The following ZNF680 variants were observed in gnomAD, a reference collection of about 807,000 sequenced individuals.
ZNF680 encodes the protein zinc finger protein 680, also known as hypothetical protein FLJ90430.
A neutral mutation model predicts 12.1 loss-of-function variants in ZNF680; 6 were observed. The ratio of observed to expected loss-of-function variants is 0.49; its 90% CI spans 0.27 to 0.98. The LOEUF is 0.98. Among genes scored for constraint, ZNF680 ranks in the 50% least tolerant of loss-of-function variants. The pLI is 0.12. For synonymous variants in ZNF680, 170 were observed against 199.3 expected (o/e 0.85, Z 1.24); for missense variants, 561 against 616.3 (o/e 0.91, Z 0.95).
At chr7:64,513,348 A>AG in the ZNF680 span, among the ~76,000 whole-genome samples, 1 of 152,120 alleles carries the variant, frequency 6.6e-6, no homozygotes, top group Admixed American at 6.5e-5. Flanking sequence ...AATTGTAAAA[A>AG]AAAAAGAATT....
At chr7:64,512,220 CAGGTGGATCACA>C in the ZNF680 span, among the ~76,000 whole-genome samples, 6 of 151,796 alleles carry the variant, frequency 4.0e-5, no homozygotes, top group Non-Finnish European at 8.8e-5. Context: ...GAGGTCAAGG[CAGGTGGATCACA>C]AGGTCAAGAG....
Position 64,521,644 on chromosome 7 carries a change from T to A in ZNF680, c.1110A>T (p.Lys370Asn), listed in dbSNP as rs1444671481. ...NQFANLTRHKKIHTGEKSYKC... is the reference protein window; with the variant it reads ...NQFANLTRHKNIHTGEKSYKC... ...TGTAGGATTTCTCTCCAGTATGAAT[T>A]TTCTTATGTCTAGTAAGGTTTGCAA... The change falls in exon 4 of 4, where the codon AAA becomes AAT. Residue 370 changes from lysine to asparagine, a missense_variant. By Grantham distance (94) the Lys-to-Asn change is moderately conservative. Transcript: ENST00000309683. 4 of 1,612,366 alleles carry A rather than the reference T, an allele frequency of 2.5e-6. No individual in the cohort carries two copies. The highest frequency in any genetic ancestry group is 3.4e-6 in the Non-Finnish European group (4 of 1,179,770).
downstream of ZNF680, among the ~76,000 whole-genome samples, chr7:64,519,259 CAG>C (rs1277198399): frequency 5.9e-5 from 9 of 151,812 alleles, no homozygotes; most frequent in African/African-American, 2.2e-4. Context: ...CTCTAATTAT[CAG>C]AGTAATGCAA....
chr7:64,527,494 G>A (rs1351229205), intron 3 of ZNF680, among the ~76,000 whole-genome samples: 1 of 152,044 alleles, frequency 6.6e-6, no homozygotes, highest in African/African-American at 2.4e-5. Context: ...TCAGAAGTTC[G>A]AGACCAGCCT....
At chr7:64,554,875 A>G (rs890498046) in intron 1 of ZNF680, among the ~76,000 whole-genome samples, 1 of 152,160 alleles carries the variant, frequency 6.6e-6, no homozygotes, top group Admixed American at 6.5e-5. Flanking sequence ...CCCTCTGCCT[A>G]GGAAAACCAG....
chr7:64,554,527 A>G (rs113459933), intron 1 of ZNF680, among the ~76,000 whole-genome samples: 34,335 of 152,156 alleles, frequency 0.23, 4,078 homozygotes, highest in South Asian at 0.28. Flanking sequence ...CCATGATGAC[A>G]ATGGCGGTTT....
chr7:64,543,796 G>C lies in ZNF680; in HGVS notation c.164C>G (p.Ala55Gly). Residue 55 changes from alanine to glycine, a missense_variant, in exon 3 of 4, where the codon GCT (alanine) becomes GGT (glycine). Ala to Gly is a moderately conservative substitution (Grantham distance 60, BLOSUM62 0). Transcript: ENST00000309683. Reference sequence around the variant, plus strand: ...GGTTATCAGGTGAGGCTTAGAGACAGCAATACCTGTTTTATTAAAAATAAA... The same window carrying C: ...GGTTATCAGGTGAGGCTTAGAGACACCAATACCTGTTTTATTAAAAATAAA... ...NYRNLVFLGI[A>G]VSKPHLITCL... is the part of the protein sequence containing the mutation. 1 of 1,612,174 alleles carries C rather than the reference G, an allele frequency of 6.2e-7. No individual in the cohort carries two copies.
chr7:64,563,057 G>A lies in ZNF680; in HGVS notation c.-103C>T, dbSNP rs1787836933. On this transcript the variant is annotated 5_prime_UTR_variant, in exon 1 of 4. Coordinates refer to ENST00000309683, the MANE Select transcript of ZNF680 (RefSeq NM_178558.5). ...AGTAAAGACTAGACCTGGAGCTCCC[G>A]CAGCAGCTAGAGACAAAGGCCCCGC... 2.1e-6 allele frequency: 3 copies of A among 1,397,254 alleles called. No homozygotes were observed. The highest frequency in any genetic ancestry group is 3.0e-6 in the Non-Finnish European group (3 of 996,722). The allele number at this position is 1,397,254 out of a possible 1,614,324, so 86.6% of individuals were successfully genotyped here.
intron 1 of ZNF680, among the ~76,000 whole-genome samples, chr7:64,554,042 G>A (rs1472592297): frequency 9.3e-5 from 14 of 151,270 alleles, no homozygotes; most frequent in Non-Finnish European, 1.9e-4. Flanking sequence ...CTGCCTGGCC[G>A]CCCATCCTCT....
chr7:64,505,805 T>C, the ZNF680 span, among the ~76,000 whole-genome samples: 1 of 152,056 alleles, frequency 6.6e-6, no homozygotes, highest in Non-Finnish European at 1.5e-5. Context: ...GAGATCCTTC[T>C]GTCCTCTCTA....
chr7:64,508,047 C>T, the ZNF680 span, among the ~76,000 whole-genome samples: 1 of 148,646 alleles, frequency 6.7e-6, no homozygotes, highest in Non-Finnish European at 1.5e-5. Context: ...GTAAAATTCT[C>T]TCTAAATGTC....
the ZNF680 span, among the ~76,000 whole-genome samples, chr7:64,509,054 T>C: frequency 1.3e-5 from 2 of 152,154 alleles, no homozygotes; most frequent in African/African-American, 4.8e-5. Flanking sequence ...CATTTGTTTC[T>C]TCCCTCCATG....
At position 64,521,640 on chromosome 7, in the gene ZNF680, G is replaced by C. The variant is rs1791538769; in HGVS notation, c.1114C>G (p.His372Asp). The change falls in exon 4 of 4, where the codon CAT becomes GAT. Residue 372 changes from histidine (H) to aspartate (D), a missense_variant. Coordinates refer to ENST00000309683, the MANE Select transcript of ZNF680 (RefSeq NM_178558.5). ...FANLTRHKKI[H>D]TGEKSYKCEE... ...CATTTGTAGGATTTCTCTCCAGTAT[G>C]AATTTTCTTATGTCTAGTAAGGTTT... is the stretch of plus-strand genomic sequence containing the variant. 1 of 1,612,320 alleles carries C rather than the reference G, an allele frequency of 6.2e-7. No individual in the cohort carries two copies. Among genetic ancestry groups the C allele is most frequent in the Non-Finnish European group, 8.5e-7 (1 of 1,179,712 alleles).
chr7:64,515,462 C>G (rs116446790), downstream of ZNF680, among the ~76,000 whole-genome samples: 759 of 152,128 alleles, frequency 5.0e-3, 6 homozygotes, highest in African/African-American at 0.017. Context: ...TGAGTGGAGA[C>G]TGAAAGAAGT....
the ZNF680 span, among the ~76,000 whole-genome samples, chr7:64,512,833 A>G: frequency 2.0e-5 from 3 of 152,166 alleles, no homozygotes; most frequent in Non-Finnish European, 4.4e-5. Context: ...CTAATTAAAA[A>G]TAAGTGCTTA....
chr7:64,533,620 C>T (rs1397621706), intron 3 of ZNF680, among the ~76,000 whole-genome samples: 2 of 151,984 alleles, frequency 1.3e-5, no homozygotes, highest in South Asian at 2.1e-4. Flanking sequence ...TCAATACAAT[C>T]CCCATCAAAA....
the ZNF680 span, among the ~76,000 whole-genome samples, chr7:64,503,245 A>G: frequency 1.4e-5 from 2 of 146,900 alleles, no homozygotes; most frequent in Admixed American, 1.4e-4. Flanking sequence ...CTTAGTCTCT[A>G]ATGAGCTTAT....
the ZNF680 span, chr7:64,501,292 C>T: frequency 7.4e-6 from 8 of 1,073,842 alleles, no homozygotes; most frequent in Admixed American, 1.2e-4. Context: ...GCCCTCGAAA[C>T]GTCAGCATGT....
At chr7:64,505,159 C>T in the ZNF680 span, among the ~76,000 whole-genome samples, 83 of 152,302 alleles carry the variant, frequency 5.4e-4, no homozygotes, top group African/African-American at 1.9e-3. Flanking sequence ...TGTTAGTAAT[C>T]AGGCCATTTC....
Sources: gnomAD v4.1 joint callset for allele counts (sites outside exome capture counted in the v4.1 genomes callset) on GRCh38, gnomAD v4.1.1 for gene constraint, MANE v1.5 for transcripts, NCBI Gene and HGNC (gene_info 2026-07-23, HGNC 2026-07-21) for gene names.